Variants in CNTN3 observed in about 807,000 individuals in gnomAD.
CNTN3 encodes the protein contactin 3, also known as contactin-3.
Under a neutral mutation model 119.1 loss-of-function variants are expected in CNTN3, and 60 were observed. That is an observed-to-expected ratio of 0.50 (90% confidence interval 0.41 to 0.62). CNTN3 has a LOEUF of 0.62. CNTN3 is among the 20% of genes least tolerant of loss of function. The pLI is 0.00. For synonymous variants in CNTN3, 450 were observed against 438.7 expected, an observed-to-expected ratio of 1.03 and a Z score of -0.32; for missense variants, 1,101 against 1,242.4, an observed-to-expected ratio of 0.89 and a Z score of 1.71.
intron 4 of CNTN3, among the ~76,000 whole-genome samples, chr3:74,473,372 T>G (rs1428935992): frequency 6.6e-6 from 1 of 152,216 alleles, no homozygotes; most frequent in Non-Finnish European, 1.5e-5. Context: ...GGGCTATATC[T>G]GGCCCTCAGA....
chr3:74,292,100 G>GAAGT (rs75338867), intron 19 of CNTN3, among the ~76,000 whole-genome samples: 64,258 of 151,750 alleles, frequency 0.42, 13,806 homozygotes, highest in South Asian at 0.6. Context: ...GCTAGGAAGG[G>GAAGT]AAGTGTCTTG....
intron 20 of CNTN3, among the ~76,000 whole-genome samples, chr3:74,269,336 C>T (rs796119836): frequency 4.0e-5 from 6 of 151,756 alleles, no homozygotes; most frequent in South Asian, 2.1e-4. Context: ...TTATAATGTT[C>T]GCGAACTACC....
At chr3:74,507,626 C>CTTTT (rs59540461) in intron 2 of CNTN3, among the ~76,000 whole-genome samples, 39 of 103,624 alleles carry the variant, frequency 3.8e-4, no homozygotes, top group Non-Finnish European at 5.9e-4. Flanking sequence ...TTCTTTCTTT[C>CTTTT]TTTTTTTTTT....
chr3:74,561,058 G>T (rs955923084), intron 1 of CNTN3, among the ~76,000 whole-genome samples: 6 of 150,466 alleles, frequency 4.0e-5, no homozygotes, highest in African/African-American at 1.2e-4. Flanking sequence ...GATAGCATTA[G>T]GAGATATAAC....
intron 4 of CNTN3, among the ~76,000 whole-genome samples, chr3:74,426,709 A>G (rs1057267576): frequency 2.0e-5 from 3 of 152,220 alleles, no homozygotes; most frequent in African/African-American, 4.8e-5. Context: ...ATAGCGTTGT[A>G]TCACCTTAAA....
At chr3:74,278,404 G>T (rs969376072) in intron 20 of CNTN3, among the ~76,000 whole-genome samples, 1 of 152,080 alleles carries the variant, frequency 6.6e-6, no homozygotes, top group Admixed American at 6.6e-5. Flanking sequence ...TGGTACAAAA[G>T]TAGGAGCATA....
rs759481975 is a variant in CNTN3 at position 74,371,359 on chromosome 3, A to C, written c.495T>G (p.Phe165Leu). The change falls in exon 6 of 23, where the codon TTT becomes TTG. Residue 165 changes from phenylalanine to leucine, a missense_variant. Transcript: ENST00000263665. ...CAAATCTCCGACTATCTTCTTCAACAAACGATGGGTATTCATTGAAGATCC... is the reference window on the plus strand; with the variant it reads ...CAAATCTCCGACTATCTTCTTCAACCAACGATGGGTATTCATTGAAGATCC... ...YAWIFNEYPS[F>L]VEEDSRRFVS... 1 of 1,613,456 alleles carries C rather than the reference A, an allele frequency of 6.2e-7. No individual in the cohort carries two copies. Among genetic ancestry groups the C allele is most frequent in the Non-Finnish European group, 8.5e-7 (1 of 1,179,590 alleles).
chr3:74,485,485 C>A (rs1354594867), intron 4 of CNTN3, among the ~76,000 whole-genome samples: 1 of 151,862 alleles, frequency 6.6e-6, no homozygotes, highest in Admixed American at 6.6e-5. Context: ...AATATAATGG[C>A]ACAAGCAAAG....
rs1575711937 is a variant in CNTN3, at chr3:74,424,744, A to G, written c.454+101T>C. On this transcript the variant is annotated intron_variant, in intron 5 of 22. Transcript: ENST00000263665. ...ACAAAATCTAATGCTCAGGTTATCA[A>G]GTTTCTCAGAGTAATTTACAGATGC... 4.2e-6 allele frequency: 4 copies of G among 949,640 alleles called. No individual in the cohort carries two copies. In the East Asian group the frequency reaches 1.1e-4, roughly 25 times the overall value. 58.8% of individuals were successfully genotyped at this position (949,640 alleles called of 1,614,324 possible).
intron 2 of CNTN3, among the ~76,000 whole-genome samples, chr3:74,508,744 T>C (rs891009738): frequency 6.6e-6 from 1 of 152,170 alleles, no homozygotes; most frequent in Non-Finnish European, 1.5e-5. Flanking sequence ...TACTACTATG[T>C]TCATATCATC....
chr3:74,287,993 T>C (rs1277342704), intron 19 of CNTN3, among the ~76,000 whole-genome samples: 1 of 152,148 alleles, frequency 6.6e-6, no homozygotes, highest in East Asian at 1.9e-4. Context: ...GCCTCAATTG[T>C]CTGTATCTTA....
Position 74,424,922 on chromosome 3 carries a change from G to A in CNTN3, c.377C>T (p.Thr126Ile). The A allele has an allele frequency of 6.2e-7, 1 of 1,603,766 alleles. No homozygotes were observed. Among genetic ancestry groups the A allele is most frequent in the East Asian group, 2.3e-5 (1 of 44,372 alleles). ...CACAGACACTGTACTCCTCATTTTGGTTTTAAAATTTTCAAGATCTGATTT... is the reference window on the plus strand; with the variant it reads ...CACAGACACTGTACTCCTCATTTTGATTTTAAAATTTTCAAGATCTGATTT... The part of the protein sequence containing the change: ...LQFAYLENFK[T>I]KMRSTVSVRE... The change falls in exon 5 of 23, where the codon ACC becomes ATC. Residue 126 changes from threonine (T) to isoleucine (I), a missense_variant. Transcript: ENST00000263665.
At chr3:74,399,239 C>T (rs968575782) in intron 5 of CNTN3, among the ~76,000 whole-genome samples, 3 of 151,902 alleles carry the variant, frequency 2.0e-5, no homozygotes, top group African/African-American at 7.3e-5. Context: ...ATTTCATCAC[C>T]CAGGTATTAA....
chr3:74,298,778 T>C (rs1702393056), intron 17 of CNTN3, among the ~76,000 whole-genome samples: 1 of 151,044 alleles, frequency 6.6e-6, no homozygotes, highest in African/African-American at 2.4e-5. Context: ...GCGCCTGTAG[T>C]CCCAGCTACT....
intron 11 of CNTN3, among the ~76,000 whole-genome samples, chr3:74,361,017 G>A (rs1704061110): frequency 6.6e-6 from 1 of 152,088 alleles, no homozygotes; most frequent in Admixed American, 6.6e-5. Context: ...ATATAACACA[G>A]TAACAGGTTT....
chr3:74,614,301 A>G (rs1417615316), intron 1 of CNTN3, among the ~76,000 whole-genome samples, 90 bp downstream of exon 1: 3 of 152,034 alleles, frequency 2.0e-5, no homozygotes, highest in Non-Finnish European at 4.4e-5. Context: ...GGGGCTGAGG[A>G]GCCATGAAGC....
chr3:74,539,410 T>C (rs1703809907), intron 1 of CNTN3, among the ~76,000 whole-genome samples: 2 of 152,116 alleles, frequency 1.3e-5, no homozygotes, highest in African/African-American at 4.8e-5. Flanking sequence ...GTACTATGAC[T>C]ATTCCCATTT....
chr3:74,346,708 G>A (rs1000270744), intron 11 of CNTN3, among the ~76,000 whole-genome samples: 3 of 151,658 alleles, frequency 2.0e-5, no homozygotes, highest in East Asian at 1.9e-4. Flanking sequence ...CAATGGAAAC[G>A]GCACTTCACT....
intron 2 of CNTN3, among the ~76,000 whole-genome samples, chr3:74,510,586 A>G (rs1703347992): frequency 1.3e-5 from 2 of 152,082 alleles, no homozygotes; most frequent in Non-Finnish European, 1.5e-5. Flanking sequence ...TGCCTAAGAC[A>G]TTAAAACAAA....
Sources: gnomAD v4.1 joint callset for allele counts (sites outside exome capture counted in the v4.1 genomes callset) on GRCh38, gnomAD v4.1.1 for gene constraint, MANE v1.5 for transcripts, NCBI Gene and HGNC (gene_info 2026-07-23, HGNC 2026-07-21) for gene names.